Variants in EYS observed in about 807,000 individuals in gnomAD.
EYS encodes the protein protein eyes shut homolog.
A neutral mutation model predicts 282.1 loss-of-function variants in EYS; 250 were observed. The observed-to-expected ratio is 0.89, with a 90% CI of 0.80 to 0.98. EYS has a LOEUF of 0.98. EYS is among the 50% of genes least tolerant of loss of function. The pLI, the probability that EYS is intolerant of heterozygous loss-of-function variation, is 0.00. For synonymous variants in EYS, 1,355 were observed against 1,282.9 expected, an observed-to-expected ratio of 1.06 and a Z score of -1.20; for missense variants, 4,016 against 3,709.0, an observed-to-expected ratio of 1.08 and a Z score of -2.15.
chr6:63,812,503 T>A (rs1771074037), intron 36 of EYS, among the ~76,000 whole-genome samples: 1 of 152,208 alleles, frequency 6.6e-6, no homozygotes, highest in Admixed American at 6.5e-5. Flanking sequence ...CATTATATGT[T>A]ATTTGTTTAC....
chr6:64,616,656 C>T (rs148548584), intron 24 of EYS, among the ~76,000 whole-genome samples: 20 of 152,176 alleles, frequency 1.3e-4, no homozygotes, highest in African/African-American at 4.8e-4. Flanking sequence ...GCTCCATTTA[C>T]ACTTCCCTTC....
In EYS at chr6:65,617,586, T is replaced by C. The variant is rs181799394; in HGVS notation, c.-333+22192A>G. Among the ~76,000 whole-genome samples the C allele has an allele frequency of 5.4e-3, 822 of 152,018 alleles. 6 individuals are homozygous for C. Among genetic ancestry groups the C allele is most frequent in the Non-Finnish European group, 9.6e-3 (650 of 67,948 alleles). ...TATTATTATACTTTAAGTTTTAGGG[T>C]ACATGTGCACAATGTGCAGGTTAGT... On this transcript the variant is annotated intron_variant, in intron 2 of 42. Coordinates refer to ENST00000503581, the MANE Select transcript of EYS (RefSeq NM_001142800.2).
chr6:64,357,372 T>C (rs1771857997), intron 29 of EYS, among the ~76,000 whole-genome samples: 1 of 151,608 alleles, frequency 6.6e-6, no homozygotes, highest in Non-Finnish European at 1.5e-5. Flanking sequence ...GCCAAATAAA[T>C]TGAGTTGATA....
At chr6:65,171,334 A>T (rs529785450) in intron 12 of EYS, among the ~76,000 whole-genome samples, 2 of 151,576 alleles carry the variant, frequency 1.3e-5, no homozygotes, top group Non-Finnish European at 3.0e-5. Context: ...TAACACATTA[A>T]ATAATCCCCA....
chr6:65,443,765 C>A (rs956855823), intron 5 of EYS, among the ~76,000 whole-genome samples: 3 of 122,064 alleles, frequency 2.5e-5, no homozygotes, highest in African/African-American at 8.6e-5. Flanking sequence ...CGTGCATATA[C>A]ACATATATTC....
intron 22 of EYS, among the ~76,000 whole-genome samples, chr6:64,771,668 T>C (rs1773526278): frequency 6.6e-6 from 1 of 151,738 alleles, no homozygotes; most frequent in African/African-American, 2.4e-5. Context: ...CTGCTTTCAT[T>C]TTAGTTTGTT....
intron 22 of EYS, among the ~76,000 whole-genome samples, chr6:64,675,581 C>A (rs976012538): frequency 2.0e-5 from 3 of 151,804 alleles, no homozygotes; most frequent in African/African-American, 7.3e-5. Context: ...AGGTGCCCAC[C>A]CCCATACCTG....
intron 13 of EYS, among the ~76,000 whole-genome samples, chr6:65,022,353 C>T (rs1297669824): frequency 1.3e-5 from 2 of 152,184 alleles, no homozygotes; most frequent in African/African-American, 2.4e-5. Context: ...CTTCAGAAGG[C>T]ATGCTTATTG....
At chr6:65,253,190 G>T (rs1767371028) in intron 12 of EYS, among the ~76,000 whole-genome samples, 2 of 151,958 alleles carry the variant, frequency 1.3e-5, no homozygotes, top group South Asian at 4.1e-4. Flanking sequence ...AGACAAAAAG[G>T]ATAATATAGC....
chr6:64,801,416 T>C (rs1774548639), intron 22 of EYS, among the ~76,000 whole-genome samples: 1 of 152,144 alleles, frequency 6.6e-6, no homozygotes, highest in South Asian at 2.1e-4. Flanking sequence ...ATTCAAATAA[T>C]ATACTATACA....
chr6:65,144,919 C>A (rs7768341), intron 12 of EYS, among the ~76,000 whole-genome samples: 1 of 151,540 alleles, frequency 6.6e-6, no homozygotes, highest in African/African-American at 2.4e-5. Flanking sequence ...ATAGGCATGC[C>A]CCATCTCATT....
At chr6:65,367,635 G>T (rs1764965204) in intron 8 of EYS, among the ~76,000 whole-genome samples, 2 of 151,422 alleles carry the variant, frequency 1.3e-5, no homozygotes, top group South Asian at 4.1e-4. Context: ...CTGAAAAAAA[G>T]CGAGATACAA....
intron 14 of EYS, among the ~76,000 whole-genome samples, chr6:64,971,572 C>T (rs1056433746): frequency 1.3e-5 from 2 of 152,124 alleles, no homozygotes; most frequent in Non-Finnish European, 2.9e-5. Flanking sequence ...TTTCTGAAAT[C>T]AGGAAGTACT....
intron 15 of EYS, among the ~76,000 whole-genome samples, chr6:64,945,577 T>C (rs914462126): frequency 7.2e-5 from 11 of 152,108 alleles, no homozygotes; most frequent in African/African-American, 2.7e-4. Context: ...CATTGCATTT[T>C]CAAGTTAAAA....
intron 12 of EYS, among the ~76,000 whole-genome samples, chr6:65,152,206 G>A (rs930022596): frequency 6.6e-6 from 1 of 151,776 alleles, no homozygotes; most frequent in Non-Finnish European, 1.5e-5. Flanking sequence ...AATAAAATTG[G>A]GTTTGCATTC....
rs775609540 is a variant in EYS, at chr6:63,908,033, CGTTTGTGTGT to C, written c.7056-43685_7056-43676del. 9.8e-3 allele frequency among the ~76,000 whole-genome samples: 1,087 copies of C among 110,478 alleles called. 19 individuals are homozygous for C. Among genetic ancestry groups the C allele is most frequent in the African/African-American group, 0.032 (863 of 26,800 alleles). 72.5% of individuals were successfully genotyped at this position (110,478 alleles called of 152,430 possible). ...AAACGTATATATATATATATATATA[CGTTTGTGTGT>C]GTGTGTGTGTGTGTGTGTGTGTAAA... On this transcript the variant is annotated intron_variant, in intron 35 of 42. Transcript: ENST00000503581.
At chr6:63,968,181 T>A (rs141934641) in intron 35 of EYS, among the ~76,000 whole-genome samples, 1 of 152,368 alleles carries the variant, frequency 6.6e-6, no homozygotes, top group Admixed American at 6.5e-5. Flanking sequence ...TATTTTAATT[T>A]GACATTTATC....
rs145233395 is a variant in EYS at position 64,204,387 on chromosome 6, A to G, written c.6424+26205T>C. Among the ~76,000 whole-genome samples the G allele has an allele frequency of 9.3e-3, 1,421 of 152,302 alleles. 27 individuals are homozygous for G. The highest frequency in any genetic ancestry group is 0.031 in the African/African-American group (1,304 of 41,568). ...ATTCACCCAAGAAAAATGAAAATACATGTTCCCCAAAAGACTTTTCCAGAA... is the reference window on the plus strand; with the variant it reads ...ATTCACCCAAGAAAAATGAAAATACGTGTTCCCCAAAAGACTTTTCCAGAA... On this transcript the variant is annotated intron_variant, in intron 31 of 42. Coordinates refer to ENST00000503581, the MANE Select transcript of EYS (RefSeq NM_001142800.2).
Position 65,442,956 on chromosome 6 carries a change from A to G in EYS, c.863-37589T>C, listed in dbSNP as rs998926210. 1.7e-4 allele frequency among the ~76,000 whole-genome samples: 24 copies of G among 145,310 alleles called. 1 individual carries two copies. Among genetic ancestry groups the G allele is most frequent in the Admixed American group, 4.8e-4 (7 of 14,660 alleles). ...TGTATATACGTATATACATGCACAT[A>G]CATATGTACATATATGTATATATAC... On this transcript the variant is annotated intron_variant, in intron 5 of 42. Transcript: ENST00000503581.
Sources: gnomAD v4.1 joint callset for allele counts (sites outside exome capture counted in the v4.1 genomes callset) on GRCh38, gnomAD v4.1.1 for gene constraint, MANE v1.5 for transcripts, NCBI Gene and HGNC (gene_info 2026-07-23, HGNC 2026-07-21) for gene names.